CDC73: variants seen among roughly 807,000 people sequenced by gnomAD.
CDC73 encodes cell division cycle 73, also known as parafibromin.
CDC73 carries 21 observed loss-of-function variants against 83.7 expected under a neutral mutation model. That is an observed-to-expected ratio of 0.25 (90% confidence interval 0.18 to 0.36). CDC73 has a LOEUF of 0.36. Among genes scored for constraint, CDC73 ranks in the 10% least tolerant of loss-of-function variants. The pLI is 1.00. For missense variants in CDC73, 342 were observed against 653.3 expected (o/e 0.52, Z 5.19); for synonymous variants, 224 against 212.9 (o/e 1.05, Z -0.45).
intron 10 of CDC73, among the ~76,000 whole-genome samples, chr1:193,168,314 G>T (rs994764668): frequency 1.3e-5 from 2 of 152,178 alleles, no homozygotes; most frequent in African/African-American, 4.8e-5. Flanking sequence ...GGAAATGTTT[G>T]CTGTGTGCCT....
chr1:193,166,044 C>G (rs74130927), intron 10 of CDC73, among the ~76,000 whole-genome samples: 3,237 of 152,244 alleles, frequency 0.021, 112 homozygotes, highest in African/African-American at 0.074. Flanking sequence ...TGTTTGTTAT[C>G]TAAGCTGAAC....
At chr1:193,132,489 T>A (rs1004625349) in intron 3 of CDC73, among the ~76,000 whole-genome samples, 4 of 152,184 alleles carry the variant, frequency 2.6e-5, no homozygotes, top group Non-Finnish European at 4.4e-5. Context: ...ACTTTTTTTT[T>A]TCTTTCAGAG....
intron 10 of CDC73, among the ~76,000 whole-genome samples, chr1:193,200,064 CA>C (rs34458896): frequency 0.71 from 98,634 of 138,856 alleles, 34,278 homozygotes; most frequent in South Asian, 0.78. Flanking sequence ...CTGTCTCCAC[CA>C]AAAAAAAAAA....
chr1:193,176,873 A>G (rs1329106078), intron 10 of CDC73, among the ~76,000 whole-genome samples: 1 of 152,190 alleles, frequency 6.6e-6, no homozygotes. Flanking sequence ...AGCAAATTTT[A>G]TAATTTCTAA....
At chr1:193,153,734 T>G (rs2103134617) in intron 10 of CDC73, among the ~76,000 whole-genome samples, 1 of 152,340 alleles carries the variant, frequency 6.6e-6, no homozygotes, top group East Asian at 1.9e-4. Flanking sequence ...AAATTATGTG[T>G]AGATTAATGA....
rs886045728 is a variant in CDC73 at position 193,252,843 on chromosome 1, A to G, written c.*2131A>G. 4.3e-6 allele frequency: 1 copy of G among 231,876 alleles called. No homozygotes were observed. 14.4% of individuals were successfully genotyped at this position (231,876 alleles called of 1,614,324 possible). ...ACACAGTGCCTTGCACATAGTAGGCATTCAGTAAATACTTACATGCATGAA... is the reference window on the plus strand; with the variant it reads ...ACACAGTGCCTTGCACATAGTAGGCGTTCAGTAAATACTTACATGCATGAA... On this transcript the variant is annotated 3_prime_UTR_variant, in exon 17 of 17. Transcript: ENST00000367435.
At chr1:193,135,936 A>G (rs1572151013) in intron 5 of CDC73, among the ~76,000 whole-genome samples, 1 of 145,934 alleles carries the variant, frequency 6.9e-6, no homozygotes, top group East Asian at 2.0e-4. Flanking sequence ...TGGTATGATC[A>G]TAGCTTATTG....
intron 15 of CDC73, among the ~76,000 whole-genome samples, chr1:193,242,702 T>A (rs1677882864): frequency 6.6e-6 from 1 of 152,160 alleles, no homozygotes; most frequent in Non-Finnish European, 1.5e-5. Flanking sequence ...GAAAAAATAT[T>A]TTTATTTAAT....
intron 10 of CDC73, among the ~76,000 whole-genome samples, chr1:193,196,751 CTATTGTTAGTG>C (rs1677009324): frequency 6.6e-6 from 1 of 152,108 alleles, no homozygotes; most frequent in Non-Finnish European, 1.5e-5. Context: ...TTTGGACCAT[CTATTGTTAGTG>C]TATAGAAACA....
chr1:193,140,989 C>G (rs971231763), intron 6 of CDC73: 6 of 152,106 alleles, frequency 3.9e-5, no homozygotes, highest in African/African-American at 1.4e-4. Flanking sequence ...CTATAAAGTA[C>G]CTTCATACCT....
chr1:193,181,980 T>G (rs1676725036), intron 10 of CDC73, among the ~76,000 whole-genome samples: 1 of 152,204 alleles, frequency 6.6e-6, no homozygotes, highest in African/African-American at 2.4e-5. Context: ...GTTGAATGTA[T>G]TCGAGAAAAA....
intron 5 of CDC73, 121 bp from the exon 6 acceptor site, chr1:193,137,964 A>G (rs370216679): frequency 5.7e-5 from 43 of 759,024 alleles, no homozygotes; most frequent in African/African-American, 2.4e-4. Flanking sequence ...GTTGGCCTAA[A>G]GACACTGATA....
intron 15 of CDC73, 40 bp downstream of exon 15, chr1:193,236,396 T>C (rs1282641354): frequency 2.4e-6 from 3 of 1,234,292 alleles, no homozygotes; most frequent in Non-Finnish European, 3.6e-6. Context: ...AGTATAGAAA[T>C]GTTCTCACTT....
At chr1:193,153,068 T>A (rs184849271) in intron 10 of CDC73, among the ~76,000 whole-genome samples, 80 of 152,222 alleles carry the variant, frequency 5.3e-4, no homozygotes, top group Admixed American at 4.6e-3. Context: ...GTGCCCAGCC[T>A]TGTTTTTAAC....
In CDC73 at chr1:193,252,756, A is replaced by C. The variant is rs1678064884; in HGVS notation, c.*2044A>C. ...ATTTTTTAGCTGTTTATTCTAAAAAACAAAAATTTTCAGCCACTCCCATTT... is the reference window on the plus strand; with the variant it reads ...ATTTTTTAGCTGTTTATTCTAAAAACCAAAAATTTTCAGCCACTCCCATTT... On this transcript the variant is annotated 3_prime_UTR_variant, in exon 17 of 17. Coordinates refer to ENST00000367435, the MANE Select transcript of CDC73 (RefSeq NM_024529.5). 1 of 231,856 alleles carries C rather than the reference A, an allele frequency of 4.3e-6. No individual in the cohort carries two copies. The highest frequency in any genetic ancestry group is 8.5e-6 in the Non-Finnish European group (1 of 117,178). 14.4% of individuals were successfully genotyped at this position (231,856 alleles called of 1,614,324 possible). A position where few individuals can be genotyped will look rare whatever the true frequency, so the allele number is the denominator to read the frequency against.
intron 8 of CDC73, among the ~76,000 whole-genome samples, chr1:193,150,003 A>C (rs889364210): frequency 6.6e-6 from 1 of 152,114 alleles, no homozygotes; most frequent in African/African-American, 2.4e-5. Flanking sequence ...TTAGCCAGGT[A>C]TGGTGGCTCA....
At chr1:193,141,753 A>T (rs1231085491) in intron 6 of CDC73, 97 bp from the exon 7 acceptor site, 22 of 775,346 alleles carry the variant, frequency 2.8e-5, no homozygotes, top group Non-Finnish European at 4.4e-5. Context: ...TTGCCATGTA[A>T]GTGTTTTTAC....
chr1:193,150,997 T>C (rs1288657454), intron 9 of CDC73, among the ~76,000 whole-genome samples: 5 of 152,230 alleles, frequency 3.3e-5, no homozygotes, highest in Non-Finnish European at 5.9e-5. Context: ...TAAATGTGTA[T>C]GTACATTGAG....
intron 10 of CDC73, among the ~76,000 whole-genome samples, chr1:193,198,886 A>G (rs891745777): frequency 2.0e-5 from 3 of 152,242 alleles, no homozygotes; most frequent in Non-Finnish European, 2.9e-5. Context: ...TCATCGTACA[A>G]TAGATACAAC....
Sources: allele counts gnomAD v4.1 joint callset (sites outside exome capture counted in the v4.1 genomes callset), GRCh38; gene constraint gnomAD v4.1.1; transcripts MANE v1.5; gene names NCBI Gene and HGNC (gene_info 2026-07-23, HGNC 2026-07-21).